ATP8A1: variants seen among roughly 807,000 people sequenced by gnomAD.
ATP8A1 encodes the protein ATPase phospholipid transporting 8A1.
Under a neutral mutation model 177.7 loss-of-function variants are expected in ATP8A1, and 90 were observed. That is an observed-to-expected ratio of 0.51 (90% confidence interval 0.43 to 0.60). The LOEUF (loss-of-function observed/expected upper bound fraction) is 0.60. ATP8A1 is among the 20% of genes least tolerant of loss of function. The pLI is 0.00. For missense variants in ATP8A1, 1,072 were observed against 1,392.8 expected (o/e 0.77, Z 3.67); for synonymous variants, 493 against 485.9 (o/e 1.01, Z -0.19).
chr4:42,434,684 T>C (rs529439779), intron 33 of ATP8A1, among the ~76,000 whole-genome samples: 167 of 152,298 alleles, frequency 1.1e-3, no homozygotes, highest in African/African-American at 3.5e-3. Context: ...TTTGGCTATA[T>C]GATTAGCTTT....
At chr4:42,637,428 T>C (rs905250904) in intron 1 of ATP8A1, among the ~76,000 whole-genome samples, 1 of 152,236 alleles carries the variant, frequency 6.6e-6, no homozygotes, top group Non-Finnish European at 1.5e-5. Flanking sequence ...ACTGTGATGC[T>C]AGCTCATTAC....
chr4:42,600,836 G>A (rs78514450), intron 5 of ATP8A1, among the ~76,000 whole-genome samples: 1,700 of 152,118 alleles, frequency 0.011, 28 homozygotes, highest in African/African-American at 0.038. Context: ...AAAAGGAAGC[G>A]ACAAGCTTAA....
intron 33 of ATP8A1, among the ~76,000 whole-genome samples, chr4:42,429,745 G>C (rs77073366): frequency 6.6e-6 from 1 of 152,166 alleles, no homozygotes. Flanking sequence ...CAACAGATGA[G>C]TGGACAAGGA....
At chr4:42,625,965 T>A in intron 2 of ATP8A1, 1 of 257,986 alleles carries the variant, frequency 3.9e-6, no homozygotes, top group Non-Finnish European at 7.3e-6. Flanking sequence ...ATTATTCTGC[T>A]TAACATTACT....
At chr4:42,420,067 A>G (rs957428564) in intron 35 of ATP8A1, among the ~76,000 whole-genome samples, 1 of 152,198 alleles carries the variant, frequency 6.6e-6, no homozygotes, top group African/African-American at 2.4e-5. Context: ...AATCAATGTC[A>G]TTCTCCAAGA....
intron 1 of ATP8A1, among the ~76,000 whole-genome samples, chr4:42,631,518 G>A (rs958379577): frequency 1.3e-5 from 2 of 152,194 alleles, no homozygotes; most frequent in African/African-American, 4.8e-5. Flanking sequence ...GGGAAGTACA[G>A]CCTGATGCAA....
At position 42,523,376 on chromosome 4, in the gene ATP8A1, T is replaced by C. The variant is rs554275284; in HGVS notation, c.1808-1077A>G. Among the ~76,000 whole-genome samples, 26 of 152,272 alleles carry C rather than the reference T, an allele frequency of 1.7e-4. No individual in the cohort carries two copies. The South Asian group carries it at 3.7e-3, about 22-fold the overall frequency. On this transcript the variant is annotated intron_variant, in intron 21 of 36. Transcript: ENST00000381668. ...TCTTAGAATGACTAGGACCAGATGC[T>C]AGGCTTAGTGATCTCAAGACAAAAT...
chr4:42,422,823 C>T lies in ATP8A1; in HGVS notation c.3289G>A (p.Val1097Ile). 1 of 1,612,622 alleles carries T rather than the reference C, an allele frequency of 6.2e-7. No homozygotes were observed. The highest frequency in any genetic ancestry group is 1.1e-5 in the South Asian group (1 of 91,016). The change falls in exon 35 of 37, where the codon GTT becomes ATT. Residue 1097 changes from valine to isoleucine, a missense_variant. Val to Ile is a conservative substitution (Grantham distance 29, BLOSUM62 3). Transcript: ENST00000381668. ...LEAKSQDPGA[V>I]VLGKSLTERA... ...GTATTTTACCTTTTTCCAAGTACAA[C>T]TGCTCCTGGGTCTTGAGATTTTGCC...
chr4:42,436,946 CTTT>C (rs1185440558), intron 33 of ATP8A1, among the ~76,000 whole-genome samples: 1 of 152,162 alleles, frequency 6.6e-6, no homozygotes, highest in Non-Finnish European at 1.5e-5. Flanking sequence ...TTATTAATAC[CTTT>C]CCTACAGGGC....
Position 42,443,632 on chromosome 4 carries a change from A to T in ATP8A1, c.3056T>A (p.Val1019Glu). The change falls in exon 33 of 37, where the codon GTG becomes GAG. Residue 1019 changes from valine (V) to glutamate (E), a missense_variant. Val to Glu is a moderately radical substitution (Grantham distance 121, BLOSUM62 -2). This residue lies in a region of ATP8A1 where 316 missense variants were observed against 459.1 expected (regional missense o/e 0.69). Coordinates refer to ENST00000381668, the MANE Select transcript of ATP8A1 (RefSeq NM_006095.2). ...AGATGAGTAGATTCCAAAAAACACCACCCAGAGTGCGATGCTCCCCCATAT... is the reference window on the plus strand; with the variant it reads ...AGATGAGTAGATTCCAAAAAACACCTCCCAGAGTGCGATGCTCCCCCATAT... ...IAIWGSIALW[V>E]VFFGIYSSLW... 6.3e-7 allele frequency: 1 copy of T among 1,574,986 alleles called. No individual in the cohort carries two copies. The highest frequency in any genetic ancestry group is 8.7e-7 in the Non-Finnish European group (1 of 1,144,440).
chr4:42,503,724 G>A (rs116334949), intron 23 of ATP8A1, among the ~76,000 whole-genome samples: 72 of 152,256 alleles, frequency 4.7e-4, no homozygotes, highest in African/African-American at 1.6e-3. Context: ...GGCCTGTTAA[G>A]GCTACAAAGA....
chr4:42,630,943 T>C (rs1485348972), intron 1 of ATP8A1, among the ~76,000 whole-genome samples: 2 of 152,242 alleles, frequency 1.3e-5, no homozygotes, highest in Non-Finnish European at 2.9e-5. Flanking sequence ...TGAAGGAATA[T>C]GTATGCAATG....
chr4:42,503,997 T>C (rs1213634590), intron 23 of ATP8A1, among the ~76,000 whole-genome samples: 1 of 152,224 alleles, frequency 6.6e-6, no homozygotes, highest in African/African-American at 2.4e-5. Context: ...TTTGTTGCAC[T>C]TACTGCAGGG....
chr4:42,439,146 C>T (rs771154559), intron 33 of ATP8A1, among the ~76,000 whole-genome samples: 1 of 152,106 alleles, frequency 6.6e-6, no homozygotes, highest in Non-Finnish European at 1.5e-5. Context: ...ATTTGCACCC[C>T]GAGATCCTGT....
At chr4:42,504,432 C>T (rs528308393) in intron 23 of ATP8A1, among the ~76,000 whole-genome samples, 4 of 152,348 alleles carry the variant, frequency 2.6e-5, no homozygotes, top group African/African-American at 7.2e-5. Flanking sequence ...TTCCATCCTT[C>T]GGATGCTAAG....
intron 1 of ATP8A1, 121 bp downstream of exon 1, chr4:42,656,704 G>A: frequency 1.6e-6 from 2 of 1,229,038 alleles, no homozygotes; most frequent in Non-Finnish European, 1.1e-6. Flanking sequence ...GGCCGGGCGC[G>A]ACAGTCGGAC....
chr4:42,570,900 C>T (rs1358617393), intron 14 of ATP8A1, among the ~76,000 whole-genome samples: 2 of 152,168 alleles, frequency 1.3e-5, no homozygotes, highest in Non-Finnish European at 2.9e-5. Flanking sequence ...TCACATAGAC[C>T]TCTATACTGT....
chr4:42,521,265 G>A (rs1726105264), intron 22 of ATP8A1, among the ~76,000 whole-genome samples: 1 of 152,192 alleles, frequency 6.6e-6, no homozygotes, highest in African/African-American at 2.4e-5. Context: ...TTTAGAGCAT[G>A]AATACTGGAG....
At chr4:42,596,972 T>C (rs983450362) in intron 6 of ATP8A1, among the ~76,000 whole-genome samples, 1 of 152,176 alleles carries the variant, frequency 6.6e-6, no homozygotes, top group Admixed American at 6.5e-5. Flanking sequence ...GGCTTTGTGA[T>C]TACCATACTT....
Sources: allele counts gnomAD v4.1 joint callset (sites outside exome capture counted in the v4.1 genomes callset), GRCh38; gene constraint gnomAD v4.1.1; regional missense constraint gnomAD v4.1.1; transcripts MANE v1.5; gene names NCBI Gene and HGNC (gene_info 2026-07-23, HGNC 2026-07-21).